Variants in NEDD4 observed in about 807,000 individuals in gnomAD.
The protein encoded by NEDD4 is E3 ubiquitin-protein ligase NEDD4.
NEDD4 carries 99 observed loss-of-function variants against 144.9 expected under a neutral mutation model. The observed-to-expected ratio is 0.68, with a 90% CI of 0.58 to 0.81. The LOEUF is 0.81. Ranked by LOEUF, NEDD4 falls within the 30% of genes least tolerant of loss-of-function variation. The pLI, the probability that NEDD4 is intolerant of heterozygous loss-of-function variation, is 0.00. For missense variants in NEDD4, 985 were observed against 1,065.9 expected (o/e 0.92, Z 1.06); for synonymous variants, 318 against 350.6 (o/e 0.91, Z 1.04).
chr15:55,951,701 T>C, intron 2 of NEDD4, 112 bp from the exon 3 acceptor site: 1 of 788,394 alleles, frequency 1.3e-6, no homozygotes, highest in Non-Finnish European at 1.8e-6. Context: ...TATCTACAAT[T>C]ATTTCCTGAA....
chr15:55,984,604 G>A (rs1369647890), intron 1 of NEDD4, among the ~76,000 whole-genome samples: 1 of 152,082 alleles, frequency 6.6e-6, no homozygotes, highest in Non-Finnish European at 1.5e-5. Flanking sequence ...AACATGTCTC[G>A]CATCAGTTGA....
intron 27 of NEDD4, among the ~76,000 whole-genome samples, chr15:55,831,099 T>G (rs1166051989): frequency 6.6e-6 from 1 of 152,158 alleles, no homozygotes; most frequent in Non-Finnish European, 1.5e-5. Flanking sequence ...TTTGTATTTT[T>G]ACTAGACATG....
intron 25 of NEDD4, 23 bp from the exon 26 acceptor site, chr15:55,834,168 T>C: frequency 6.2e-7 from 1 of 1,610,136 alleles, no homozygotes; most frequent in Non-Finnish European, 8.5e-7. Flanking sequence ...TGTCAAATTA[T>C]AAACAAGGAA....
intron 5 of NEDD4, among the ~76,000 whole-genome samples, chr15:55,911,119 G>C (rs1164336350): frequency 6.6e-6 from 1 of 152,080 alleles, no homozygotes; most frequent in African/African-American, 2.4e-5. Context: ...ATATGCTGCT[G>C]CTGCCACCTA....
chr15:55,989,002 G>C (rs2037944244), intron 1 of NEDD4, among the ~76,000 whole-genome samples: 1 of 152,158 alleles, frequency 6.6e-6, no homozygotes, highest in African/African-American at 2.4e-5. Context: ...TTGGAAGGCC[G>C]AGGCAGGCGG....
chr15:55,992,745 A>G (rs772511001), intron 1 of NEDD4, among the ~76,000 whole-genome samples: 1 of 152,256 alleles, frequency 6.6e-6, no homozygotes, highest in Non-Finnish European at 1.5e-5. Context: ...AGGCATAATC[A>G]GCATTAGTTA....
At position 55,860,495 on chromosome 15, in the gene NEDD4, A is replaced by C; in HGVS notation, c.872T>G (p.Leu291Trp). 1 of 1,614,194 alleles carries C rather than the reference A, an allele frequency of 6.2e-7. No homozygotes were observed. Among genetic ancestry groups the C allele is most frequent in the East Asian group, 2.2e-5 (1 of 44,882 alleles). The part of the protein sequence containing the change: ...AFPSPPPSSN[L>W]DVPTHLAEEL... ...TTCTGCAAGATGAGTTGGAACATCCAAGTTACTTGACGGTGGAGGTGATGG... is the reference window on the plus strand; with the variant it reads ...TTCTGCAAGATGAGTTGGAACATCCCAGTTACTTGACGGTGGAGGTGATGG... Residue 291 changes from leucine (L) to tryptophan (W), a missense_variant, in exon 11 of 29, where the codon TTG becomes TGG. By Grantham distance (61) the Leu-to-Trp change is moderately conservative. Transcript: ENST00000435532.
chr15:55,963,274 G>T (rs1330639693), intron 2 of NEDD4, among the ~76,000 whole-genome samples: 1 of 151,402 alleles, frequency 6.6e-6, no homozygotes, highest in Admixed American at 6.6e-5. Context: ...TGGGACCACA[G>T]ATGCATACAA....
In NEDD4 at chr15:55,938,237, T is replaced by C. The variant is rs2036929307; in HGVS notation, c.237+13139A>G. ...AGCTGGGCATGGTGGCGTGTGCCTG[T>C]AGTCCCAGCTACTCAGGAAGCTGAG... On this transcript the variant is annotated intron_variant, in intron 4 of 28. Coordinates refer to ENST00000435532, the MANE Select transcript of NEDD4 (RefSeq NM_006154.4). Among the ~76,000 whole-genome samples the C allele has an allele frequency of 2.0e-5, 3 of 152,272 alleles. No individual in the cohort carries two copies. In the South Asian group the frequency reaches 6.2e-4, roughly 32 times the overall value.
chr15:55,844,262 A>C (rs1036943988), intron 18 of NEDD4, among the ~76,000 whole-genome samples: 14 of 152,182 alleles, frequency 9.2e-5, no homozygotes, highest in Admixed American at 6.5e-5. Context: ...GAGGGTGGAC[A>C]GTGTGAATGC....
At chr15:55,886,088 T>TA (rs1345017024) in intron 5 of NEDD4, among the ~76,000 whole-genome samples, 1 of 151,816 alleles carries the variant, frequency 6.6e-6, no homozygotes, top group African/African-American at 2.4e-5. Flanking sequence ...ACAAAAACTA[T>TA]AAAAAAAGAC....
intron 5 of NEDD4, among the ~76,000 whole-genome samples, chr15:55,910,627 A>G (rs890797749): frequency 7.5e-6 from 1 of 132,650 alleles, no homozygotes; most frequent in Non-Finnish European, 1.8e-5. Context: ...CCTGACTCCC[A>G]ATCTACATTT....
chr15:55,992,502 G>C (rs1038888760), intron 1 of NEDD4, among the ~76,000 whole-genome samples: 12 of 152,194 alleles, frequency 7.9e-5, no homozygotes, highest in African/African-American at 2.9e-4. Context: ...TGGATTTTCA[G>C]TTAACTGGGT....
chr15:55,927,759 C>G (rs2036702703), intron 4 of NEDD4, among the ~76,000 whole-genome samples: 1 of 152,142 alleles, frequency 6.6e-6, no homozygotes, highest in Non-Finnish European at 1.5e-5. Flanking sequence ...GGACTGGAGA[C>G]AGACCCTGGT....
intron 4 of NEDD4, 118 bp downstream of exon 4, chr15:55,951,257 AC>A: frequency 3.9e-6 from 2 of 514,192 alleles, no homozygotes; most frequent in Non-Finnish European, 6.7e-6. Context: ...TTGTATTTTC[AC>A]AACTTTAGGC....
At chr15:55,849,221 G>A (rs944451808) in intron 14 of NEDD4, among the ~76,000 whole-genome samples, 31 of 152,152 alleles carry the variant, frequency 2.0e-4, no homozygotes, top group Admixed American at 6.6e-4. Context: ...TGGACCACAT[G>A]ATATTTCTTT....
At chr15:55,849,305 A>G (rs1183760249) in intron 14 of NEDD4, among the ~76,000 whole-genome samples, 1 of 151,980 alleles carries the variant, frequency 6.6e-6, no homozygotes, top group East Asian at 1.9e-4. Context: ...GCTCAATGCA[A>G]CCTCTTCCTC....
chr15:55,927,600 G>T lies in NEDD4; in HGVS notation c.238-2901C>A, dbSNP rs529688180. Among the ~76,000 whole-genome samples the T allele has an allele frequency of 3.3e-5, 5 of 152,300 alleles. No individual in the cohort carries two copies. In the South Asian group the frequency reaches 1.0e-3, roughly 32 times the overall value. On this transcript the variant is annotated intron_variant, in intron 4 of 28. Transcript: ENST00000435532. ...GACACTGGCAAGAAAAGTTTGGTTAGTTAGGGTAGAGCCAGGATGGGGACA... is the reference window on the plus strand; with the variant it reads ...GACACTGGCAAGAAAAGTTTGGTTATTTAGGGTAGAGCCAGGATGGGGACA...
At chr15:55,911,393 T>A (rs1272110919) in intron 5 of NEDD4, among the ~76,000 whole-genome samples, 2 of 152,126 alleles carry the variant, frequency 1.3e-5, no homozygotes, top group Non-Finnish European at 2.9e-5. Flanking sequence ...AGTTTACCTA[T>A]CAAGACTCGG....
Sources: allele counts gnomAD v4.1 joint callset (sites outside exome capture counted in the v4.1 genomes callset), GRCh38; gene constraint gnomAD v4.1.1; transcripts MANE v1.5; gene names NCBI Gene and HGNC (gene_info 2026-07-23, HGNC 2026-07-21).